The following MYO5B variants were observed in gnomAD, a reference collection of about 807,000 sequenced individuals.
MYO5B encodes unconventional myosin-Vb.
In MYO5B, 143 loss-of-function variants were observed where a neutral mutation model predicts 229.3. The ratio of observed to expected loss-of-function variants is 0.62; its 90% CI spans 0.54 to 0.72. The LOEUF (loss-of-function observed/expected upper bound fraction) is 0.72, where lower values mean the gene tolerates loss of function less well. Among genes scored for constraint, MYO5B ranks in the 30% least tolerant of loss-of-function variants. MYO5B has a pLI of 0.00. For missense variants in MYO5B, 2,321 were observed against 2,331.0 expected (o/e 1.00, Z 0.09); for synonymous variants, 918 against 885.2 (o/e 1.04, Z -0.66).
At chr18:49,864,518 C>G in intron 27 of MYO5B, 138 bp from the exon 28 acceptor site, 2 of 1,241,734 alleles carry the variant, frequency 1.6e-6, no homozygotes, top group Non-Finnish European at 2.2e-6. Flanking sequence ...AAAGTTCTGA[C>G]TGCCATCAGC....
At chr18:49,879,748 T>G (rs1471529539) in intron 23 of MYO5B, among the ~76,000 whole-genome samples, 1 of 152,092 alleles carries the variant, frequency 6.6e-6, no homozygotes, top group African/African-American at 2.4e-5. Context: ...GTCTGTGGAC[T>G]CTCCCTGCTC....
intron 1 of MYO5B, among the ~76,000 whole-genome samples, chr18:50,138,913 C>A (rs759144665): frequency 4.6e-5 from 7 of 152,204 alleles, no homozygotes; most frequent in Non-Finnish European, 1.0e-4. Context: ...GCCACCATCC[C>A]CATGGCCCAC....
chr18:50,179,169 G>A (rs1389748102), intron 1 of MYO5B, among the ~76,000 whole-genome samples: 1 of 152,190 alleles, frequency 6.6e-6, no homozygotes, highest in Non-Finnish European at 1.5e-5. Flanking sequence ...CCACCAGAAT[G>A]TAGGCAGAGA....
intron 4 of MYO5B, among the ~76,000 whole-genome samples, chr18:50,008,069 T>C (rs890006320): frequency 6.6e-6 from 1 of 152,194 alleles, no homozygotes; most frequent in African/African-American, 2.4e-5. Context: ...CCTGTATCTC[T>C]GTATTACCAT....
At chr18:50,081,005 A>T (rs902243872) in intron 1 of MYO5B, among the ~76,000 whole-genome samples, 2 of 152,166 alleles carry the variant, frequency 1.3e-5, no homozygotes, top group African/African-American at 2.4e-5. Context: ...GGAATCTAAA[A>T]ATATATATAT....
chr18:50,042,203 T>G (rs1054532223), intron 2 of MYO5B, among the ~76,000 whole-genome samples: 10 of 152,118 alleles, frequency 6.6e-5, no homozygotes, highest in Non-Finnish European at 2.9e-5. Flanking sequence ...ATGAAATAAT[T>G]TCACAAATGA....
intron 17 of MYO5B, 97 bp downstream of exon 17, chr18:49,929,415 T>C (rs2025164500): frequency 1.1e-6 from 1 of 948,968 alleles, no homozygotes; most frequent in Non-Finnish European, 1.6e-6. Flanking sequence ...TTGAAGGATC[T>C]GTTTCTGGCC....
chr18:50,137,972 C>T lies in MYO5B; in HGVS notation c.27+56795G>A, dbSNP rs982229114. On this transcript the variant is annotated intron_variant, in intron 1 of 39. Transcript: ENST00000285039. Reference sequence around the variant, plus strand: ...AGAAGGAAGTAACAGACATTGGTGCCTAATTGAGGGTGGACGATGGGAGAA... The same window carrying T: ...AGAAGGAAGTAACAGACATTGGTGCTTAATTGAGGGTGGACGATGGGAGAA... Among the ~76,000 whole-genome samples, 6 of 152,118 alleles carry T rather than the reference C, an allele frequency of 3.9e-5. No individual in the cohort carries two copies. In the South Asian group the frequency reaches 8.3e-4, roughly 21 times the overall value.
chr18:50,055,911 T>C (rs1287532120), intron 1 of MYO5B, among the ~76,000 whole-genome samples: 1 of 152,208 alleles, frequency 6.6e-6, no homozygotes, highest in Non-Finnish European at 1.5e-5. Flanking sequence ...CACTTGAATT[T>C]ATCTGTCCAC....
At position 49,902,187 on chromosome 18, in the gene MYO5B, T is replaced by C. The variant is rs562531283; in HGVS notation, c.2811+407A>G. Among the ~76,000 whole-genome samples, 75 of 152,316 alleles carry C rather than the reference T, an allele frequency of 4.9e-4. 1 individual carries two copies. Among genetic ancestry groups the C allele is most frequent in the South Asian group, 2.1e-3 (10 of 4,828 alleles). The stretch of plus-strand genomic sequence containing the variant: ...GACGCTCTAGGGGAGAGTCCATGTC[T>C]TCGTCTTCTCTGGCTTCTCAAGGCT... On this transcript the variant is annotated intron_variant, in intron 21 of 39. Transcript: ENST00000285039.
chr18:49,943,044 T>A (rs974850765), intron 14 of MYO5B, among the ~76,000 whole-genome samples: 2 of 152,000 alleles, frequency 1.3e-5, no homozygotes, highest in Non-Finnish European at 2.9e-5. Flanking sequence ...CATAAAAAAA[T>A]GATGAGTTCA....
At chr18:49,976,091 G>A (rs913007526) in intron 9 of MYO5B, among the ~76,000 whole-genome samples, 1 of 152,206 alleles carries the variant, frequency 6.6e-6, no homozygotes, top group African/African-American at 2.4e-5. Flanking sequence ...TGGGAAAGCT[G>A]GTAGCCCAGG....
Position 50,177,024 on chromosome 18 carries a change from G to A in MYO5B, c.27+17743C>T, listed in dbSNP as rs920770000. On this transcript the variant is annotated intron_variant, in intron 1 of 39. Transcript: ENST00000285039. Reference sequence around the variant, plus strand: ...ATGAAACATGTTGCACTGTAAGGGAGATAATGAGCATTGAGCTTTGAAAAA... The same window carrying A: ...ATGAAACATGTTGCACTGTAAGGGAAATAATGAGCATTGAGCTTTGAAAAA... 2.6e-5 allele frequency among the ~76,000 whole-genome samples: 4 copies of A among 152,214 alleles called. No homozygotes were observed. In the South Asian group the frequency reaches 8.3e-4, roughly 32 times the overall value.
intron 12 of MYO5B, among the ~76,000 whole-genome samples, chr18:49,960,595 C>G (rs189198350): frequency 4.6e-5 from 7 of 152,354 alleles, no homozygotes; most frequent in Admixed American, 4.6e-4. Context: ...TACTGATGCT[C>G]TATCAGACTA....
At chr18:50,049,000 C>T (rs1457133615) in intron 2 of MYO5B, among the ~76,000 whole-genome samples, 1 of 141,548 alleles carries the variant, frequency 7.1e-6, no homozygotes, top group Admixed American at 7.4e-5. Flanking sequence ...CCAGCCTGGG[C>T]AACAGAGTGA....
At chr18:50,164,688 A>G (rs1034969514) in intron 1 of MYO5B, among the ~76,000 whole-genome samples, 1 of 152,140 alleles carries the variant, frequency 6.6e-6, no homozygotes, top group Non-Finnish European at 1.5e-5. Context: ...CTATCAATCC[A>G]TCATGTAGGT....
intron 4 of MYO5B, among the ~76,000 whole-genome samples, chr18:50,023,614 A>C (rs945482491): frequency 1.3e-5 from 2 of 152,212 alleles, no homozygotes; most frequent in African/African-American, 4.8e-5. Flanking sequence ...AAAGTCAATC[A>C]GAATAGTAAA....
intron 1 of MYO5B, among the ~76,000 whole-genome samples, chr18:50,173,251 C>T (rs1237095734): frequency 6.9e-6 from 1 of 145,550 alleles, no homozygotes; most frequent in Admixed American, 7.0e-5. Flanking sequence ...GGCAACAGAG[C>T]AAGACTCCAA....
At chr18:50,188,788 A>T (rs1289051574) in intron 1 of MYO5B, among the ~76,000 whole-genome samples, 6 of 40,940 alleles carry the variant, frequency 1.5e-4, no homozygotes, top group South Asian at 9.0e-4. Context: ...TCTGTCATAA[A>T]AAAAAAAAAA....
Sources: allele counts gnomAD v4.1 joint callset (sites outside exome capture counted in the v4.1 genomes callset), GRCh38; gene constraint gnomAD v4.1.1; transcripts MANE v1.5; gene names NCBI Gene and HGNC (gene_info 2026-07-23, HGNC 2026-07-21).